Variants in XYLB observed in about 807,000 individuals in gnomAD.
XYLB encodes xylulokinase.
A neutral mutation model predicts 78.7 loss-of-function variants in XYLB; 62 were observed. That is an observed-to-expected ratio of 0.79 (90% CI 0.64 to 0.97). XYLB has a LOEUF of 0.97. Ranked by LOEUF, XYLB falls within the 50% of genes least tolerant of loss-of-function variation. XYLB has a pLI of 0.00. For missense variants in XYLB, 687 were observed against 676.8 expected (o/e 1.02, Z -0.17); for synonymous variants, 245 against 247.4 (o/e 0.99, Z 0.09).
At chr3:38,368,707 C>G (rs1412126211) in intron 8 of XYLB, among the ~76,000 whole-genome samples, 4 of 152,116 alleles carry the variant, frequency 2.6e-5, no homozygotes, top group Non-Finnish European at 4.4e-5. Context: ...CAAGCAGAAG[C>G]TGAGGAGTCT....
intron 18 of XYLB, among the ~76,000 whole-genome samples, chr3:38,402,286 T>C (rs923029438): frequency 4.6e-5 from 7 of 152,192 alleles, no homozygotes; most frequent in Non-Finnish European, 8.8e-5. Flanking sequence ...TTCTCTCCAG[T>C]GTCTCTGCCC....
the XYLB span, among the ~76,000 whole-genome samples, chr3:38,434,697 C>T: frequency 1.3e-5 from 2 of 152,186 alleles, no homozygotes; most frequent in Admixed American, 1.3e-4. Context: ...TACAGAAATC[C>T]ACCAAGCCAC....
downstream of XYLB, among the ~76,000 whole-genome samples, chr3:38,424,850 AG>A (rs1214805571): frequency 6.6e-6 from 1 of 152,232 alleles, no homozygotes; most frequent in Non-Finnish European, 1.5e-5. Flanking sequence ...CTCGTATTAG[AG>A]GTCATACACC....
chr3:38,444,107 G>A, the XYLB span, among the ~76,000 whole-genome samples: 2 of 152,192 alleles, frequency 1.3e-5, no homozygotes, highest in Non-Finnish European at 2.9e-5. Flanking sequence ...GCCAGGGTTT[G>A]ATCTCATAGC....
At chr3:38,381,585 C>T (rs1707147530) in intron 15 of XYLB, among the ~76,000 whole-genome samples, 1 of 152,214 alleles carries the variant, frequency 6.6e-6, no homozygotes, top group Non-Finnish European at 1.5e-5. Context: ...TTTTTCTCAG[C>T]ATGGAACATC....
At chr3:38,432,267 A>G in the XYLB span, among the ~76,000 whole-genome samples, 5 of 152,242 alleles carry the variant, frequency 3.3e-5, no homozygotes, top group Admixed American at 2.6e-4. Context: ...TGTAAAATCA[A>G]AAGAAAGATA....
At chr3:38,384,051 G>T (rs1449824965) in intron 15 of XYLB, among the ~76,000 whole-genome samples, 1 of 151,874 alleles carries the variant, frequency 6.6e-6, no homozygotes, top group Non-Finnish European at 1.5e-5. Context: ...TTGTTTGTTT[G>T]TTTTCTTTGT....
chr3:38,387,726 A>C (rs542285749), intron 15 of XYLB, among the ~76,000 whole-genome samples: 1 of 152,330 alleles, frequency 6.6e-6, no homozygotes, highest in Non-Finnish European at 1.5e-5. Flanking sequence ...TGCTGTAGAC[A>C]GTCTGCTATT....
At chr3:38,433,437 TCTC>T in the XYLB span, among the ~76,000 whole-genome samples, 10 of 152,354 alleles carry the variant, frequency 6.6e-5, no homozygotes, top group Admixed American at 2.0e-4. Flanking sequence ...GGCTTGAATT[TCTC>T]CTCAGAAAAT....
In XYLB at chr3:38,395,540, T is replaced by A; in HGVS notation, c.1327T>A (p.Ser443Thr). 1 of 1,614,210 alleles carries A rather than the reference T, an allele frequency of 6.2e-7. No homozygotes were observed. Among genetic ancestry groups the A allele is most frequent in the Admixed American group, 1.7e-5 (1 of 60,022 alleles). ...AAAGATTTTGGCCACAGGAGGAGCA[T>A]CTCACAATAGAGAAATCTTACAGGT... The part of the protein sequence containing the change: ...KTKILATGGA[S>T]HNREILQVLA... The change falls in exon 16 of 19, where the codon TCT becomes ACT. Residue 443 changes from serine (S) to threonine (T), a missense_variant. Physicochemically the swap from Ser to Thr is moderately conservative, Grantham distance 58. Coordinates refer to ENST00000207870, the MANE Select transcript of XYLB (RefSeq NM_005108.4).
the XYLB span, among the ~76,000 whole-genome samples, chr3:38,444,423 A>G: frequency 6.6e-6 from 1 of 152,160 alleles, no homozygotes; most frequent in Non-Finnish European, 1.5e-5. Flanking sequence ...GGCTAGGATA[A>G]TGGGGGTAAG....
chr3:38,352,193 C>CTT (rs57643431), intron 2 of XYLB, among the ~76,000 whole-genome samples: 1 of 151,196 alleles, frequency 6.6e-6, no homozygotes, highest in East Asian at 1.9e-4. Flanking sequence ...AGTGAAAAGT[C>CTT]TTTTTTTTTC....
At position 38,370,107 on chromosome 3, in the gene XYLB, G is replaced by A. The variant is rs747853343; in HGVS notation, c.698G>A (p.Cys233Tyr). ...QIQDKVWSQA[C>Y]LGACAPHLEE... is the part of the protein sequence containing the mutation. ...CAGGATAAAGTCTGGTCCCAGGCTT[G>A]CCTTGGTGCCTGTGCACCTCATTTA... is the stretch of plus-strand genomic sequence containing the variant. Residue 233 changes from cysteine to tyrosine, a missense_variant, in exon 9 of 19, where the codon TGC becomes TAC. Cys to Tyr is a radical substitution (Grantham distance 194, BLOSUM62 -2). Transcript: ENST00000207870. 6.2e-7 allele frequency: 1 copy of A among 1,614,202 alleles called. No homozygotes were observed. The highest frequency in any genetic ancestry group is 8.5e-7 in the Non-Finnish European group (1 of 1,180,048).
chr3:38,390,871 C>G (rs1707621378), intron 15 of XYLB, among the ~76,000 whole-genome samples: 1 of 152,106 alleles, frequency 6.6e-6, no homozygotes, highest in African/African-American at 2.4e-5. Context: ...ATGTATCTTA[C>G]AGCAAGTTAT....
intron 14 of XYLB, 33 bp from the exon 15 acceptor site, chr3:38,379,212 TC>T: frequency 6.2e-7 from 1 of 1,605,088 alleles, no homozygotes; most frequent in Non-Finnish European, 8.5e-7. Flanking sequence ...CAATGAGAGT[TC>T]CTTACTCTGT....
intron 4 of XYLB, 38 bp from the exon 5 acceptor site, chr3:38,365,161 G>A (rs1337425914): frequency 6.2e-7 from 1 of 1,600,616 alleles, no homozygotes; most frequent in African/African-American, 1.3e-5. Flanking sequence ...TGACACTGGT[G>A]TGTGGTCATG....
At chr3:38,405,975 G>C (rs367886201) in intron 18 of XYLB, among the ~76,000 whole-genome samples, 1 of 152,242 alleles carries the variant, frequency 6.6e-6, no homozygotes, top group Admixed American at 6.5e-5. Context: ...CAAACAAAAA[G>C]ACAGCAGTAA....
chr3:38,409,481 C>G (rs1364862234), intron 18 of XYLB, among the ~76,000 whole-genome samples: 1 of 152,150 alleles, frequency 6.6e-6, no homozygotes, highest in African/African-American at 2.4e-5. Context: ...TGGCACAAGA[C>G]AGGGATGCCC....
chr3:38,425,560 A>G (rs1277855344), downstream of XYLB, among the ~76,000 whole-genome samples: 3 of 152,254 alleles, frequency 2.0e-5, no homozygotes, highest in Non-Finnish European at 4.4e-5. Context: ...GCTGAACAGC[A>G]TCTACAGAAA....
Sources: allele counts gnomAD v4.1 joint callset (sites outside exome capture counted in the v4.1 genomes callset), GRCh38; gene constraint gnomAD v4.1.1; transcripts MANE v1.5; gene names NCBI Gene and HGNC (gene_info 2026-07-23, HGNC 2026-07-21).